The following CEMIP variants were observed in gnomAD, a reference collection of about 807,000 sequenced individuals.
The protein encoded by CEMIP is cell migration inducing hyaluronidase 1.
In CEMIP, 105 loss-of-function variants were observed where a neutral mutation model predicts 156.9. The observed-to-expected ratio is 0.67, with a 90% CI of 0.57 to 0.79. CEMIP has a LOEUF of 0.79. CEMIP is among the 30% of genes least tolerant of loss of function. CEMIP has a pLI of 0.00. For synonymous variants in CEMIP, 676 were observed against 668.4 expected (o/e 1.01, Z -0.17); for missense variants, 1,457 against 1,769.4 (o/e 0.82, Z 3.17).
intron 10 of CEMIP, among the ~76,000 whole-genome samples, chr15:80,893,527 A>G (rs895678062): frequency 5.3e-5 from 8 of 152,324 alleles, no homozygotes; most frequent in East Asian, 1.9e-4. Flanking sequence ...GGGGTCTCCA[A>G]TTGAAGAACA....
chr15:80,822,887 TCAAA>T (rs1259987324), intron 1 of CEMIP, among the ~76,000 whole-genome samples: 1 of 152,170 alleles, frequency 6.6e-6, no homozygotes, highest in Non-Finnish European at 1.5e-5. Flanking sequence ...CTTGAGCTTT[TCAAA>T]CAGATGGTCA....
intron 1 of CEMIP, among the ~76,000 whole-genome samples, chr15:80,866,603 A>G (rs1898133539): frequency 7.0e-6 from 1 of 143,238 alleles, no homozygotes; most frequent in African/African-American, 2.6e-5. Flanking sequence ...AAATAAATAA[A>G]TAAATAAATA....
In CEMIP at chr15:80,948,892, C is replaced by T. The variant is rs912403066; in HGVS notation, c.4054C>T (p.Pro1352Ser). 8.7e-6 allele frequency: 14 copies of T among 1,614,202 alleles called. No individual in the cohort carries two copies. Among genetic ancestry groups the T allele is most frequent in the Non-Finnish European group, 1.0e-5 (12 of 1,180,016 alleles). ...DHKAKIFQVV[P>S]IPVVKKKKL is the part of the protein sequence containing the mutation. ...CAAAGCCAAAATCTTCCAAGTTGTGCCCATCCCTGTGGTGAAGAAGAAGAA... is the reference window on the plus strand; with the variant it reads ...CAAAGCCAAAATCTTCCAAGTTGTGTCCATCCCTGTGGTGAAGAAGAAGAA... The change falls in exon 30 of 30, where the codon CCC (proline) becomes TCC (serine). Residue 1352 changes from proline to serine, a missense_variant. By Grantham distance (74) the Pro-to-Ser change is moderately conservative. Transcript: ENST00000394685.
Position 80,878,779 on chromosome 15 carries a change from C to G in CEMIP, c.153C>G (p.Asp51Glu), listed in dbSNP as rs1214291183. 6.2e-7 allele frequency: 1 copy of G among 1,614,060 alleles called. No homozygotes were observed. The highest frequency in any genetic ancestry group is 8.5e-7 in the Non-Finnish European group (1 of 1,180,044). The change falls in exon 4 of 30, where the codon GAC (aspartate) becomes GAG (glutamate). Residue 51 changes from aspartate (D) to glutamate (E), a missense_variant. Coordinates refer to ENST00000394685, the MANE Select transcript of CEMIP (RefSeq NM_001293298.2). ...TGCAACCCTGGAACCCTGGCCATGA[C>G]CAAGACCACCATGTGCATATCGGCC... ...PELQPWNPGH[D>E]QDHHVHIGQG...
At chr15:80,894,235 G>C (rs905746734) in intron 10 of CEMIP, among the ~76,000 whole-genome samples, 1 of 152,202 alleles carries the variant, frequency 6.6e-6, no homozygotes, top group Admixed American at 6.5e-5. Context: ...TTCCACCTTA[G>C]GGCAAGAGTG....
intron 12 of CEMIP, among the ~76,000 whole-genome samples, chr15:80,903,864 G>A (rs1474991410): frequency 6.6e-6 from 1 of 152,218 alleles, no homozygotes; most frequent in African/African-American, 2.4e-5. Flanking sequence ...TGATGGATGG[G>A]AGATGAGTCA....
intron 1 of CEMIP, among the ~76,000 whole-genome samples, chr15:80,839,245 G>C (rs973174271): frequency 7.3e-5 from 11 of 150,876 alleles, no homozygotes; most frequent in African/African-American, 2.7e-4. Context: ...CCTCTGTTCA[G>C]AGGAGGTCCA....
intron 14 of CEMIP, among the ~76,000 whole-genome samples, chr15:80,912,412 A>G (rs1900105467): frequency 6.6e-6 from 1 of 152,108 alleles, no homozygotes; most frequent in African/African-American, 2.4e-5. Context: ...TGGGAGGGCC[A>G]TTGTACAGAC....
At chr15:80,937,327 A>G (rs1901167983) in intron 24 of CEMIP, among the ~76,000 whole-genome samples, 1 of 152,202 alleles carries the variant, frequency 6.6e-6, no homozygotes, top group South Asian at 2.1e-4. Flanking sequence ...AGGGCTTCAT[A>G]TATTTAGATT....
At chr15:80,821,161 T>C (rs1409562830) in intron 1 of CEMIP, among the ~76,000 whole-genome samples, 1 of 152,206 alleles carries the variant, frequency 6.6e-6, no homozygotes, top group Middle Eastern at 3.2e-3. Context: ...GGGAAATAGC[T>C]GCTGGCAGGA....
rs907309015 is a variant in CEMIP, at chr15:80,823,387, G to A, written c.-176+43773G>A. Among the ~76,000 whole-genome samples, 5 of 152,214 alleles carry A rather than the reference G, an allele frequency of 3.3e-5. No individual in the cohort carries two copies. In the South Asian group the frequency reaches 1.0e-3, roughly 32 times the overall value. Reference sequence around the variant, plus strand: ...TTGGAGATGATGCCGTCAGTGAGAGGAATCTGCCCTGGCATTCCAGGGCCA... The same window carrying A: ...TTGGAGATGATGCCGTCAGTGAGAGAAATCTGCCCTGGCATTCCAGGGCCA... On this transcript the variant is annotated intron_variant, in intron 1 of 29. Transcript: ENST00000394685.
intron 21 of CEMIP, 98 bp from the exon 22 acceptor site, chr15:80,931,761 G>C: frequency 3.2e-6 from 4 of 1,255,062 alleles, no homozygotes; most frequent in Non-Finnish European, 4.6e-6. Flanking sequence ...ATCCACCTCA[G>C]AAGGGGCAAA....
chr15:80,918,554 G>A lies in CEMIP; in HGVS notation c.1798-1540G>A, dbSNP rs566797339. Reference sequence around the variant, plus strand: ...GGTAGGTGGAGGATTGTTGCTGGTCGGTATGTGGATTTTCCAGTGCTTGGC... The same window carrying A: ...GGTAGGTGGAGGATTGTTGCTGGTCAGTATGTGGATTTTCCAGTGCTTGGC... On this transcript the variant is annotated intron_variant, in intron 14 of 29. Coordinates refer to ENST00000394685, the MANE Select transcript of CEMIP (RefSeq NM_001293298.2). 5.3e-5 allele frequency among the ~76,000 whole-genome samples: 8 copies of A among 152,266 alleles called. No homozygotes were observed. The East Asian group carries it at 1.4e-3, about 26-fold the overall frequency.
chr15:80,787,539 T>G (rs1895971024), intron 1 of CEMIP, among the ~76,000 whole-genome samples: 1 of 152,194 alleles, frequency 6.6e-6, no homozygotes, highest in Non-Finnish European at 1.5e-5. Flanking sequence ...TGGAGGCCTT[T>G]GCGTCAGCCC....
chr15:80,853,573 G>A (rs1348359579), intron 1 of CEMIP, among the ~76,000 whole-genome samples: 1 of 152,172 alleles, frequency 6.6e-6, no homozygotes, highest in Non-Finnish European at 1.5e-5. Context: ...GAAGCCCTAA[G>A]AAGGGAATTG....
At chr15:80,887,669 TTTG>T (rs1253260101) in intron 7 of CEMIP, 22 bp from the exon 8 acceptor site, 2 of 1,589,502 alleles carry the variant, frequency 1.3e-6, no homozygotes, top group Non-Finnish European at 1.7e-6. Context: ...AACTTTACTT[TTTG>T]TTATGTTTTT....
rs147426682 is a variant in CEMIP at position 80,879,741 on chromosome 15, C to T, written c.267C>T (p.Asp89=). 4.8e-5 allele frequency: 78 copies of T among 1,614,200 alleles called. No homozygotes were observed. Among genetic ancestry groups the T allele is most frequent in the African/African-American group, 4.1e-4 (31 of 75,064 alleles). ...GCAAGCTGGTCATTAAAGACCACGACGAGCCGATTGTTTTGCGAACCCGGC... is the reference window on the plus strand; with the variant it reads ...GCAAGCTGGTCATTAAAGACCACGATGAGCCGATTGTTTTGCGAACCCGGC... The part of the protein sequence containing the change: ...EGGKLVIKDH[D]EPIVLRTRHI... The change falls in exon 5 of 30, where the codon GAC becomes GAT. Residue 89 remains aspartate (D), a synonymous_variant. Transcript: ENST00000394685.
rs150110261 is a variant in CEMIP at position 80,830,096 on chromosome 15, G to A, written c.-175-43442G>A. 1.6e-3 allele frequency among the ~76,000 whole-genome samples: 244 copies of A among 151,600 alleles called. No individual in the cohort carries two copies. In the East Asian group the frequency reaches 0.022, roughly 14 times the overall value. On this transcript the variant is annotated intron_variant, in intron 1 of 29. Coordinates refer to ENST00000394685, the MANE Select transcript of CEMIP (RefSeq NM_001293298.2). ...TTATGTTATAAGGGGATCTGGGACCGCTCTACACAAATGACTCCTTGTCTC... is the reference window on the plus strand; with the variant it reads ...TTATGTTATAAGGGGATCTGGGACCACTCTACACAAATGACTCCTTGTCTC...
At chr15:80,833,025 A>G (rs1333756879) in intron 1 of CEMIP, among the ~76,000 whole-genome samples, 1 of 151,634 alleles carries the variant, frequency 6.6e-6, no homozygotes, top group African/African-American at 2.4e-5. Context: ...GAGAGACCCC[A>G]GTGGAAGGCA....
Sources: gnomAD v4.1 joint callset for allele counts (sites outside exome capture counted in the v4.1 genomes callset) on GRCh38, gnomAD v4.1.1 for gene constraint, MANE v1.5 for transcripts, NCBI Gene and HGNC (gene_info 2026-07-23, HGNC 2026-07-21) for gene names.